BICRA: variants seen among roughly 807,000 people sequenced by gnomAD.
The protein encoded by BICRA is BRD4 interacting chromatin remodeling complex associated protein, also known as BRD4-interacting chromatin-remodeling complex-associated protein.
A neutral mutation model predicts 96.9 loss-of-function variants in BICRA; 31 were observed. The ratio of observed to expected loss-of-function variants is 0.32; its 90% CI spans 0.24 to 0.43. The LOEUF (loss-of-function observed/expected upper bound fraction) is 0.43. Ranked by LOEUF, BICRA falls within the 20% of genes least tolerant of loss-of-function variation. The pLI is 1.00. For missense variants in BICRA, 2,283 were observed against 2,190.3 expected (o/e 1.04, Z -0.84); for synonymous variants, 1,350 against 1,071.8 (o/e 1.26, Z -5.07).
At chr19:47,658,971 G>A (rs1186596086) in intron 1 of BICRA, among the ~76,000 whole-genome samples, 1 of 152,090 alleles carries the variant, frequency 6.6e-6, no homozygotes, top group African/African-American at 2.4e-5. Context: ...CACCCACCCC[G>A]AATGCCTGTA....
rs1332561022 is a variant in BICRA at position 47,681,162 on chromosome 19, C to G, written c.1992C>G (p.Pro664=). 1.3e-6 allele frequency: 2 copies of G among 1,522,152 alleles called. No individual in the cohort carries two copies. Among genetic ancestry groups the G allele is most frequent in the Admixed American group, 2.0e-5 (1 of 50,908 alleles). The allele number at this position is 1,522,152 out of a possible 1,614,324, so 94.3% of individuals were successfully genotyped here. The change falls in exon 6 of 15, where the codon CCC becomes CCG. Residue 664 remains proline, a synonymous_variant. Coordinates refer to ENST00000594866, the MANE Select transcript of BICRA (RefSeq NM_001394372.1). ...CCGCCCCGCCTCAGGCCACCACCCC[C>G]CAGCCCAGCCCTGGCCTGGCGTCTA... ...QAAAPPQATT[P]QPSPGLASSP... is the part of the protein sequence containing the mutation.
intron 7 of BICRA, among the ~76,000 whole-genome samples, chr19:47,692,651 G>A (rs1973258962): frequency 6.6e-6 from 1 of 152,196 alleles, no homozygotes; most frequent in Non-Finnish European, 1.5e-5. Context: ...CAGCGCCAAG[G>A]ACTGCGCCTC....
At chr19:47,695,109 G>T in intron 9 of BICRA, 29 bp downstream of exon 9, 1 of 1,431,190 alleles carries the variant, frequency 7.0e-7, no homozygotes, top group South Asian at 1.3e-5. Flanking sequence ...ATGTGCCCAG[G>T]GAGACGGGGC....
intron 1 of BICRA, among the ~76,000 whole-genome samples, chr19:47,637,489 A>C (rs1381681135): frequency 6.6e-6 from 1 of 152,186 alleles, no homozygotes; most frequent in African/African-American, 2.4e-5. Context: ...ATCTCAGCTC[A>C]CTACAACCTC....
intron 1 of BICRA, among the ~76,000 whole-genome samples, chr19:47,669,204 G>A (rs1972827396): frequency 1.3e-5 from 2 of 152,102 alleles, no homozygotes; most frequent in Non-Finnish European, 2.9e-5. Flanking sequence ...GCCTTCTGGA[G>A]AAAATACCTG....
chr19:47,701,981 C>T lies in BICRA; in HGVS notation c.4249C>T (p.Leu1417=). The T allele has an allele frequency of 6.8e-7, 1 of 1,472,586 alleles. No homozygotes were observed. The allele number at this position is 1,472,586 out of a possible 1,614,324, so 91.2% of individuals were successfully genotyped here. ...GGCACGGGGAGGCAGCCCGGCGCCG[C>T]TGCCCGCCAAAGTGGACGAGGCCAC... ...GRARGGSPAP[L]PAKVDEATSG... is the part of the protein sequence containing the mutation. The change falls in exon 15 of 15, where the codon CTG becomes TTG. Residue 1417 remains leucine, a synonymous_variant. Transcript: ENST00000594866. This position sits in a 1 kb window ranked among gnomAD's most constrained non-coding sequence, Gnocchi z 5.4.
intron 1 of BICRA, among the ~76,000 whole-genome samples, chr19:47,666,392 G>A (rs569073617): frequency 1.3e-5 from 2 of 151,160 alleles, no homozygotes; most frequent in South Asian, 4.2e-4. Flanking sequence ...CAATTCTCCT[G>A]CCTCAGCCTG....
intron 11 of BICRA, among the ~76,000 whole-genome samples, chr19:47,697,924 C>G (rs1036036749): frequency 3.3e-5 from 5 of 152,176 alleles, no homozygotes; most frequent in African/African-American, 1.2e-4. Flanking sequence ...CCAGGCTGGC[C>G]TTGAACTCCT....
intron 1 of BICRA, among the ~76,000 whole-genome samples, chr19:47,617,777 C>CTT (rs11433116): frequency 3.2e-4 from 48 of 149,252 alleles, no homozygotes; most frequent in South Asian, 8.5e-4. Flanking sequence ...CTGATCTGAT[C>CTT]TTTTTTTTTT....
Position 47,701,194 on chromosome 19 carries a change from C to A in BICRA, c.3596-134C>A. 1.5e-6 allele frequency: 1 copy of A among 658,882 alleles called. No homozygotes were observed. The allele number at this position is 658,882 out of a possible 1,614,324, so 40.8% of individuals were successfully genotyped here. On this transcript the variant is annotated intron_variant, in intron 14 of 14. Transcript: ENST00000594866. The surrounding 1 kb of genome is among the most constrained non-coding windows in gnomAD (Gnocchi z 5.4). ...CTGAAGAGGGTCTCACCAAGCCTAT[C>A]CTGAGGATTGGAGGGTCCAGGGTGC...
intron 1 of BICRA, among the ~76,000 whole-genome samples, chr19:47,639,816 A>AT (rs1225992276): frequency 1.3e-5 from 2 of 149,810 alleles, no homozygotes; most frequent in African/African-American, 2.5e-5. Flanking sequence ...CTAATTTAAA[A>AT]TTTTTTTTGT....
In BICRA at chr19:47,680,418, G is replaced by A. The variant is rs1349990837; in HGVS notation, c.1248G>A (p.Ala416=). The change falls in exon 6 of 15, where the codon GCG becomes GCA. Residue 416 remains alanine, a synonymous_variant. Transcript: ENST00000594866. The part of the protein sequence containing the change: ...GQNVVLSGFP[A]PALQANVFKQ... ...ACGTGGTGCTGTCGGGCTTCCCCGC[G>A]CCTGCGCTGCAAGCGAACGTCTTCA... is the stretch of plus-strand genomic sequence containing the variant. 7 of 1,536,144 alleles carry A rather than the reference G, an allele frequency of 4.6e-6. No individual in the cohort carries two copies. In the African/African-American group the frequency reaches 6.9e-5, roughly 15 times the overall value.
Position 47,682,061 on chromosome 19 carries a change from A to G in BICRA, c.2192A>G (p.Gln731Arg). The change falls in exon 7 of 15, where the codon CAA becomes CGA. Residue 731 changes from glutamine to arginine, a missense_variant. Transcript: ENST00000594866. ...SVIVSAPPPA[Q>R]DPAPATPVAK... ...ATAGTCAGCGCCCCGCCTCCCGCCC[A>G]AGACCCAGCCCCAGCCACCCCCGTC... 2.3e-6 allele frequency: 3 copies of G among 1,304,130 alleles called. No homozygotes were observed. The highest frequency in any genetic ancestry group is 3.0e-6 in the Non-Finnish European group (3 of 987,546). 80.8% of individuals were successfully genotyped at this position (1,304,130 alleles called of 1,614,324 possible). A position where few individuals can be genotyped will look rare whatever the true frequency, so the allele number is the denominator to read the frequency against.
intron 1 of BICRA, among the ~76,000 whole-genome samples, chr19:47,644,180 G>A (rs1324695394): frequency 6.6e-6 from 1 of 151,672 alleles, no homozygotes; most frequent in African/African-American, 2.4e-5. Context: ...ATGATGCCCA[G>A]CTAATTATTT....
chr19:47,702,535 GTTAT>G lies in BICRA; in HGVS notation c.*123_*126del, dbSNP rs1973482831. 15 of 1,204,704 alleles carry G rather than the reference GTTAT, an allele frequency of 1.2e-5. No homozygotes were observed. The highest frequency in any genetic ancestry group is 1.6e-5 in the Non-Finnish European group (15 of 918,526). 74.6% of individuals were successfully genotyped at this position (1,204,704 alleles called of 1,614,324 possible). On this transcript the variant is annotated 3_prime_UTR_variant, in exon 15 of 15. Coordinates refer to ENST00000594866, the MANE Select transcript of BICRA (RefSeq NM_001394372.1). The stretch of plus-strand genomic sequence containing the variant: ...TCCCCTGACGGTTTTTCTTGCCTAA[GTTAT>G]TTGAGTCACAAAGGCCTCCTTCCCT...
At chr19:47,686,713 A>G (rs185198830) in intron 7 of BICRA, among the ~76,000 whole-genome samples, 11 of 152,028 alleles carry the variant, frequency 7.2e-5, no homozygotes, top group Non-Finnish European at 1.5e-4. Flanking sequence ...GCTGGTTCCA[A>G]CTCCCTAAGA....
rs762978315 is a variant in BICRA at position 47,702,307 on chromosome 19, C to T, written c.4575C>T (p.His1525=). The T allele has an allele frequency of 2.5e-6, 4 of 1,580,714 alleles. No individual in the cohort carries two copies. The highest frequency in any genetic ancestry group is 1.4e-5 in the African/African-American group (1 of 73,104). ...PGRTPAPSYP[H]AASAGTPASP... is the part of the protein sequence containing the mutation. ...GGACGCCCGCGCCCTCGTACCCCCACGCTGCCTCGGCCGGCACCCCCGCAT... is the reference window on the plus strand; with the variant it reads ...GGACGCCCGCGCCCTCGTACCCCCATGCTGCCTCGGCCGGCACCCCCGCAT... The change falls in exon 15 of 15, where the codon CAC becomes CAT. Residue 1525 remains histidine, a synonymous_variant. Coordinates refer to ENST00000594866, the MANE Select transcript of BICRA (RefSeq NM_001394372.1).
rs1312677395 is a variant in BICRA, at chr19:47,680,193, C to T, written c.1023C>T (p.Asn341=). The T allele has an allele frequency of 2.6e-6, 4 of 1,547,958 alleles. No homozygotes were observed. The highest frequency in any genetic ancestry group is 3.5e-6 in the Non-Finnish European group (4 of 1,155,736). Residue 341 remains asparagine (N), a synonymous_variant, in exon 6 of 15, where the codon AAC becomes AAT. Transcript: ENST00000594866. ...CGTCGCCACTGGTCCCGGCGCCCAA[C>T]GTGATCCTGCATCGCACACCCACGC... ...LGSSPLVPAP[N]VILHRTPTPI... is the part of the protein sequence containing the mutation.
chr19:47,679,629 T>A lies in BICRA; in HGVS notation c.459T>A (p.Ala153=), dbSNP rs1972997148. ...GCGCTGGAGGGGCAGCGGCCGTGGC[T>A]GCGGGGCCCCAAGCCCTCTTCCCAG... The part of the protein sequence containing the change: ...PTGAGGAAAV[A]AGPQALFPGS... Residue 153 remains alanine, a synonymous_variant, in exon 6 of 15, where the codon GCT becomes GCA. Transcript: ENST00000594866. The A allele has an allele frequency of 6.6e-7, 1 of 1,514,442 alleles. No individual in the cohort carries two copies. The highest frequency in any genetic ancestry group is 8.8e-7 in the Non-Finnish European group (1 of 1,131,706). 93.8% of individuals were successfully genotyped at this position (1,514,442 alleles called of 1,614,324 possible). A position where few individuals can be genotyped will look rare whatever the true frequency, so the allele number is the denominator to read the frequency against.
Sources: allele counts gnomAD v4.1 joint callset (sites outside exome capture counted in the v4.1 genomes callset), GRCh38; gene constraint gnomAD v4.1.1; non-coding constraint Gnocchi (gnomAD v3.1); transcripts MANE v1.5; gene names NCBI Gene and HGNC (gene_info 2026-07-23, HGNC 2026-07-21).